Variants in SNX29 observed in about 807,000 individuals in gnomAD.
SNX29 encodes the protein sorting nexin 29.
SNX29 carries 78 observed loss-of-function variants against 102.1 expected under a neutral mutation model. The ratio of observed to expected loss-of-function variants is 0.76; its 90% CI spans 0.64 to 0.92. SNX29 has a LOEUF of 0.92. Ranked by LOEUF, SNX29 falls within the 40% of genes least tolerant of loss-of-function variation. The pLI, the probability that SNX29 is intolerant of heterozygous loss-of-function variation, is 0.00. For synonymous variants in SNX29, 580 were observed against 414.5 expected, an observed-to-expected ratio of 1.40 and a Z score of -4.85; for missense variants, 1,280 against 1,061.7, an observed-to-expected ratio of 1.21 and a Z score of -2.86.
intron 20 of SNX29, among the ~76,000 whole-genome samples, chr16:12,559,251 C>G (rs1424002305): frequency 6.6e-6 from 1 of 152,062 alleles, no homozygotes; most frequent in Non-Finnish European, 1.5e-5. Context: ...GCATCACCGC[C>G]TGAGCTCTGC....
intron 8 of SNX29, among the ~76,000 whole-genome samples, chr16:12,057,283 A>G (rs350216): frequency 0.71 from 107,736 of 152,098 alleles, 39,048 homozygotes; most frequent in African/African-American, 0.83. Flanking sequence ...TTTGCCCATC[A>G]TATTTGCGGA....
At chr16:12,540,665 C>T (rs1411007859) in intron 20 of SNX29, among the ~76,000 whole-genome samples, 2 of 152,192 alleles carry the variant, frequency 1.3e-5, no homozygotes, top group African/African-American at 2.4e-5. Flanking sequence ...TGAATGTAAC[C>T]ACAGCTGCTG....
intron 14 of SNX29, among the ~76,000 whole-genome samples, chr16:12,260,204 C>T (rs2078693448): frequency 6.6e-6 from 1 of 152,164 alleles, no homozygotes; most frequent in Non-Finnish European, 1.5e-5. Context: ...TTTGCCTTGA[C>T]CTTGGGTTTC....
At chr16:12,434,518 C>T (rs2085448127) in intron 18 of SNX29, among the ~76,000 whole-genome samples, 1 of 152,136 alleles carries the variant, frequency 6.6e-6, no homozygotes, top group African/African-American at 2.4e-5. Flanking sequence ...CCTGGAAGTG[C>T]TAGTCGGGGG....
intron 15 of SNX29, among the ~76,000 whole-genome samples, chr16:12,286,528 G>T (rs1381163826): frequency 6.6e-6 from 1 of 151,698 alleles, no homozygotes; most frequent in Non-Finnish European, 1.5e-5. Context: ...TGTATTTTTA[G>T]TAGAGATGGG....
intron 14 of SNX29, among the ~76,000 whole-genome samples, chr16:12,262,077 TGC>T (rs1243422564): frequency 6.7e-6 from 1 of 149,550 alleles, no homozygotes; most frequent in Non-Finnish European, 1.5e-5. Flanking sequence ...CTCGGGTCTG[TGC>T]GCGCGTCCCC....
Position 12,541,443 on chromosome 16 carries a change from A to G in SNX29, c.2318+16602A>G, listed in dbSNP as rs924005204. Among the ~76,000 whole-genome samples the G allele has an allele frequency of 4.6e-5, 7 of 152,134 alleles. No individual in the cohort carries two copies. The East Asian group carries it at 7.7e-4, about 17-fold the overall frequency. On this transcript the variant is annotated intron_variant, in intron 20 of 20. Transcript: ENST00000566228. Reference sequence around the variant, plus strand: ...CTCATGGAAGGTCATCAATGTCTCAAAGGACCCACGCTTAGTGCTTGATGG... The same window carrying G: ...CTCATGGAAGGTCATCAATGTCTCAGAGGACCCACGCTTAGTGCTTGATGG...
chr16:12,131,143 C>G (rs2054450008), intron 13 of SNX29, among the ~76,000 whole-genome samples: 2 of 152,238 alleles, frequency 1.3e-5, no homozygotes, highest in Non-Finnish European at 2.9e-5. Context: ...TGCGACGCAG[C>G]TGTGCTCTCA....
chr16:12,391,021 C>T (rs1344285303), intron 16 of SNX29, among the ~76,000 whole-genome samples: 1 of 152,200 alleles, frequency 6.6e-6, no homozygotes, highest in African/African-American at 2.4e-5. Context: ...TCAGGTCTCA[C>T]TGCAGCCTCT....
intron 14 of SNX29, among the ~76,000 whole-genome samples, chr16:12,207,553 C>A (rs1241427274): frequency 1.3e-5 from 2 of 152,110 alleles, no homozygotes; most frequent in Non-Finnish European, 2.9e-5. Context: ...GTGTCTCGCT[C>A]TCACTGCTCA....
intron 13 of SNX29, among the ~76,000 whole-genome samples, chr16:12,169,873 T>G (rs1222073562): frequency 6.6e-6 from 1 of 151,816 alleles, no homozygotes; most frequent in Non-Finnish European, 1.5e-5. Flanking sequence ...CCTCCTGGGT[T>G]CAAGTGATTA....
chr16:12,499,523 C>T (rs1354856289), intron 19 of SNX29, among the ~76,000 whole-genome samples: 1 of 152,202 alleles, frequency 6.6e-6, no homozygotes, highest in Non-Finnish European at 1.5e-5. Context: ...GCACCAAAGA[C>T]AGGTCCACCG....
rs2086162231 is a variant in SNX29 at position 12,448,474 on chromosome 16, T to TC, written c.2038-29245_2038-29244insC. 2.0e-5 allele frequency among the ~76,000 whole-genome samples: 3 copies of TC among 151,574 alleles called. 1 individual carries two copies. The South Asian group carries it at 6.2e-4, about 32-fold the overall frequency. ...TTGTTCAAGGCAATTGGGAACTCTTTTTTTTTTTTTAGGCCACCAAGTCAG... is the reference window on the plus strand; with the variant it reads ...TTGTTCAAGGCAATTGGGAACTCTTTCTTTTTTTTTTAGGCCACCAAGTCAG... On this transcript the variant is annotated intron_variant, in intron 18 of 20. Transcript: ENST00000566228.
chr16:12,461,973 A>AC (rs1408709836), intron 18 of SNX29, among the ~76,000 whole-genome samples: 1 of 69,596 alleles, frequency 1.4e-5, no homozygotes, highest in African/African-American at 8.4e-5. Context: ...AAAAAAAAAA[A>AC]AAAAAATATA....
At position 12,345,775 on chromosome 16, in the gene SNX29, C is replaced by G. The variant is rs117845123; in HGVS notation, c.1783-10388C>G. ...AGCCGTATTCTCGTTCCATCCATGTCGGTCCTTCTCTTGAAATGTTTTCTG... is the reference window on the plus strand; with the variant it reads ...AGCCGTATTCTCGTTCCATCCATGTGGGTCCTTCTCTTGAAATGTTTTCTG... On this transcript the variant is annotated intron_variant, in intron 15 of 20. Coordinates refer to ENST00000566228, the MANE Select transcript of SNX29 (RefSeq NM_032167.5). Among the ~76,000 whole-genome samples the G allele has an allele frequency of 2.6e-5, 4 of 152,304 alleles. No homozygotes were observed. In the East Asian group the frequency reaches 7.7e-4, roughly 29 times the overall value.
intron 20 of SNX29, among the ~76,000 whole-genome samples, chr16:12,529,213 A>G (rs914956894): frequency 2.0e-5 from 3 of 152,260 alleles, no homozygotes; most frequent in South Asian, 4.1e-4. Flanking sequence ...TGAACTCTGT[A>G]TATCAGTGTG....
At chr16:12,199,212 TC>T (rs1040603725) in intron 13 of SNX29, among the ~76,000 whole-genome samples, 4 of 152,180 alleles carry the variant, frequency 2.6e-5, no homozygotes, top group African/African-American at 9.7e-5. Context: ...TTAAGAGCAT[TC>T]CCCAGGGTGA....
rs753016935 is a variant in SNX29 at position 12,572,874 on chromosome 16, C to G, written c.*4245C>G. 22 of 1,061,190 alleles carry G rather than the reference C, an allele frequency of 2.1e-5. No homozygotes were observed. The highest frequency in any genetic ancestry group is 9.1e-5 in the South Asian group (2 of 21,940). The allele number at this position is 1,061,190 out of a possible 1,614,324, so 65.7% of individuals were successfully genotyped here. On this transcript the variant is annotated 3_prime_UTR_variant, in exon 21 of 21. Coordinates refer to ENST00000566228, the MANE Select transcript of SNX29 (RefSeq NM_032167.5). ...TTTCAGCCCTAAAGGTAATGATTGT[C>G]TTGACTCTGCCTTGGCATTTCGCTC... is the stretch of plus-strand genomic sequence containing the variant.
intron 1 of SNX29, among the ~76,000 whole-genome samples, chr16:11,991,742 T>C (rs2055862997): frequency 7.1e-6 from 1 of 140,968 alleles, no homozygotes; most frequent in Admixed American, 7.4e-5. Context: ...CCAGTAGAGA[T>C]GGGGTTTCAC....
Sources: allele counts gnomAD v4.1 joint callset (sites outside exome capture counted in the v4.1 genomes callset), GRCh38; gene constraint gnomAD v4.1.1; transcripts MANE v1.5; gene names NCBI Gene and HGNC (gene_info 2026-07-23, HGNC 2026-07-21).